TCF12: variants seen among roughly 807,000 people sequenced by gnomAD.
TCF12 encodes the protein transcription factor 12, also known as DNA-binding protein HTF4.
A neutral mutation model predicts 86.0 loss-of-function variants in TCF12; 45 were observed. The observed-to-expected ratio is 0.52, with a 90% CI of 0.41 to 0.67. The LOEUF is 0.67. Ranked by LOEUF, TCF12 falls within the 30% of genes least tolerant of loss-of-function variation. The pLI is 0.00. For missense variants in TCF12, 881 were observed against 859.9 expected (o/e 1.02, Z -0.31); for synonymous variants, 330 against 299.6 (o/e 1.10, Z -1.05).
At chr15:56,961,751 G>C (rs370158506) in intron 3 of TCF12, among the ~76,000 whole-genome samples, 76 of 152,236 alleles carry the variant, frequency 5.0e-4, no homozygotes, top group African/African-American at 1.7e-3. Context: ...TGTAGTTAGA[G>C]GATTGTTTTT....
At chr15:57,023,536 C>T (rs1228101128) in intron 3 of TCF12, among the ~76,000 whole-genome samples, 3 of 152,026 alleles carry the variant, frequency 2.0e-5, no homozygotes, top group Admixed American at 6.5e-5. Flanking sequence ...TACCAAGAGC[C>T]AATTATATTG....
At chr15:57,099,592 A>G (rs2049582624) in intron 5 of TCF12, among the ~76,000 whole-genome samples, 1 of 152,168 alleles carries the variant, frequency 6.6e-6, no homozygotes, top group Non-Finnish European at 1.5e-5. Context: ...GAAAATTTAT[A>G]TGGTAATACT....
chr15:57,246,179 T>C (rs906290598), intron 13 of TCF12, among the ~76,000 whole-genome samples: 5 of 152,186 alleles, frequency 3.3e-5, no homozygotes, highest in African/African-American at 1.2e-4. Flanking sequence ...CTTATGTTTT[T>C]GAGCATCAGT....
intron 8 of TCF12, among the ~76,000 whole-genome samples, chr15:57,198,434 A>G (rs1323408536): frequency 7.2e-5 from 11 of 152,176 alleles, no homozygotes; most frequent in Admixed American, 6.5e-4. Flanking sequence ...TCAAAAATGT[A>G]TCCTTTGAGA....
intron 16 of TCF12, among the ~76,000 whole-genome samples, chr15:57,259,418 G>A (rs2591072): frequency 0.98 from 148,959 of 152,356 alleles, 72,914 homozygotes; most frequent in East Asian, 1. Flanking sequence ...AGGAATTCAT[G>A]CTGTTTTCCA....
At chr15:57,138,471 A>T (rs1481116329) in intron 5 of TCF12, among the ~76,000 whole-genome samples, 1 of 152,212 alleles carries the variant, frequency 6.6e-6, no homozygotes, top group Non-Finnish European at 1.5e-5. Flanking sequence ...TGCTGCCTCC[A>T]GTGGAAATTT....
intron 5 of TCF12, among the ~76,000 whole-genome samples, chr15:57,163,689 C>T (rs2054656497): frequency 6.6e-6 from 1 of 152,106 alleles, no homozygotes; most frequent in Non-Finnish European, 1.5e-5. Flanking sequence ...TACGACAGAG[C>T]GAGACCTTGT....
chr15:57,053,787 T>G lies in TCF12; in HGVS notation c.149-9963T>G, dbSNP rs775786556. ...ATCATTTGGCCCTTTATTGCAAAAGTTTGCTGACCTGTGCTATAGAGATCA... is the reference window on the plus strand; with the variant it reads ...ATCATTTGGCCCTTTATTGCAAAAGGTTGCTGACCTGTGCTATAGAGATCA... On this transcript the variant is annotated intron_variant, in intron 3 of 20. Transcript: ENST00000333725. 1.5e-4 allele frequency among the ~76,000 whole-genome samples: 23 copies of G among 152,150 alleles called. 1 individual carries two copies. Among genetic ancestry groups the G allele is most frequent in the Non-Finnish European group, 2.8e-4 (19 of 68,026 alleles).
chr15:57,280,983 A>G (rs191254799), intron 19 of TCF12, among the ~76,000 whole-genome samples: 87 of 152,342 alleles, frequency 5.7e-4, no homozygotes, highest in African/African-American at 1.9e-3. Context: ...TCTTGGGCTT[A>G]AAACTCATTT....
chr15:56,930,946 C>T (rs116626761), intron 3 of TCF12, among the ~76,000 whole-genome samples: 1 of 152,010 alleles, frequency 6.6e-6, no homozygotes, highest in Non-Finnish European at 1.5e-5. Flanking sequence ...GACATATATA[C>T]CTATATACTA....
intron 5 of TCF12, among the ~76,000 whole-genome samples, chr15:57,156,630 A>G (rs1462823450): frequency 6.6e-6 from 1 of 152,206 alleles, no homozygotes; most frequent in African/African-American, 2.4e-5. Context: ...ATATGGCTTT[A>G]TGCCATAGAT....
chr15:57,002,087 G>T (rs1434963139), intron 3 of TCF12, among the ~76,000 whole-genome samples: 1 of 152,208 alleles, frequency 6.6e-6, no homozygotes, highest in Admixed American at 6.5e-5. Context: ...CATTGTCCAT[G>T]TTCAGAAGTC....
intron 6 of TCF12, among the ~76,000 whole-genome samples, chr15:57,171,359 GTATT>G (rs1728901437): frequency 6.6e-6 from 1 of 151,860 alleles, no homozygotes. Flanking sequence ...ATTCCAGACA[GTATT>G]TATTATAATG....
chr15:57,127,817 T>C (rs1242843859), intron 5 of TCF12, among the ~76,000 whole-genome samples: 1 of 152,160 alleles, frequency 6.6e-6, no homozygotes, highest in African/African-American at 2.4e-5. Context: ...TGTAGGGTCC[T>C]GTTTTGATCA....
intron 3 of TCF12, among the ~76,000 whole-genome samples, chr15:56,958,158 C>T (rs1313160586): frequency 6.6e-6 from 1 of 152,170 alleles, no homozygotes; most frequent in East Asian, 1.9e-4. Context: ...TTTACCTGCT[C>T]TCAGGTTCTC....
intron 12 of TCF12, among the ~76,000 whole-genome samples, chr15:57,241,936 G>A (rs2059650363): frequency 6.6e-6 from 1 of 152,032 alleles, no homozygotes; most frequent in Non-Finnish European, 1.5e-5. Flanking sequence ...AGGTTGCAGT[G>A]AGCCAAGATC....
At chr15:57,162,512 T>G (rs1457729787) in intron 5 of TCF12, among the ~76,000 whole-genome samples, 1 of 152,162 alleles carries the variant, frequency 6.6e-6, no homozygotes, top group African/African-American at 2.4e-5. Flanking sequence ...GTATTTACAG[T>G]TCAAAATCTT....
chr15:56,929,089 T>C (rs1049836856), intron 3 of TCF12, among the ~76,000 whole-genome samples: 29 of 152,340 alleles, frequency 1.9e-4, no homozygotes, highest in South Asian at 8.3e-4. Flanking sequence ...TCATTAATCA[T>C]TGAGTAAAAC....
chr15:57,272,673 C>G (rs981984981), intron 18 of TCF12, among the ~76,000 whole-genome samples: 1 of 152,124 alleles, frequency 6.6e-6, no homozygotes, highest in African/African-American at 2.4e-5. Flanking sequence ...TAACAAGCTC[C>G]CAGTAATGCT....
Sources: gnomAD v4.1 joint callset for allele counts (sites outside exome capture counted in the v4.1 genomes callset) on GRCh38, gnomAD v4.1.1 for gene constraint, MANE v1.5 for transcripts, NCBI Gene and HGNC (gene_info 2026-07-23, HGNC 2026-07-21) for gene names.